The following BMPR1B variants were observed in gnomAD, a reference collection of about 807,000 sequenced individuals.
The protein encoded by BMPR1B is bone morphogenetic protein receptor type-1B.
Under a neutral mutation model 59.1 loss-of-function variants are expected in BMPR1B, and 12 were observed. That is an observed-to-expected ratio of 0.20 (90% confidence interval 0.13 to 0.33). The LOEUF (loss-of-function observed/expected upper bound fraction) is 0.33, where lower values mean the gene tolerates loss of function less well. BMPR1B is among the 10% of genes least tolerant of loss of function. BMPR1B has a pLI of 1.00. For synonymous variants in BMPR1B, 237 were observed against 207.3 expected (o/e 1.14, Z -1.23); for missense variants, 550 against 610.9 (o/e 0.90, Z 1.05).
chr4:95,065,116 T>C (rs1156932096), intron 3 of BMPR1B, among the ~76,000 whole-genome samples: 1 of 152,178 alleles, frequency 6.6e-6, no homozygotes, highest in Non-Finnish European at 1.5e-5. Flanking sequence ...GTTAAATATA[T>C]TACTAATACA....
intron 1 of BMPR1B, among the ~76,000 whole-genome samples, chr4:94,774,157 A>C (rs112609827): frequency 2.6e-5 from 4 of 152,010 alleles, no homozygotes; most frequent in African/African-American, 7.2e-5. Context: ...CTTCTGTGCA[A>C]CCTCCCCTAT....
intron 3 of BMPR1B, among the ~76,000 whole-genome samples, chr4:95,079,634 G>C (rs1285935746): frequency 6.6e-6 from 1 of 151,806 alleles, no homozygotes; most frequent in Non-Finnish European, 1.5e-5. Context: ...AAACTGACTT[G>C]TGTTTGGAAA....
intron 2 of BMPR1B, among the ~76,000 whole-genome samples, chr4:94,880,705 C>T (rs1171832984): frequency 7.1e-6 from 1 of 141,256 alleles, no homozygotes; most frequent in Admixed American, 7.4e-5. Context: ...GTGATGAAAT[C>T]ATGGCTCACT....
chr4:94,949,473 C>A (rs534624997), intron 2 of BMPR1B, among the ~76,000 whole-genome samples: 1 of 106,714 alleles, frequency 9.4e-6, no homozygotes, highest in Non-Finnish European at 2.0e-5. Context: ...CCTGCCACCG[C>A]GCCCGGCTGA....
At position 94,840,550 on chromosome 4, in the gene BMPR1B, C is replaced by T. The variant is rs550621914; in HGVS notation, c.-182-35281C>T. On this transcript the variant is annotated intron_variant, in intron 1 of 12. Coordinates refer to ENST00000515059, the MANE Select transcript of BMPR1B (RefSeq NM_001203.3). Reference sequence around the variant, plus strand: ...GCTGATACCCTTTCTTCCAGTTGATCGCATCGGCTCCTGAGGCTTCTGCAT... The same window carrying T: ...GCTGATACCCTTTCTTCCAGTTGATTGCATCGGCTCCTGAGGCTTCTGCAT... Among the ~76,000 whole-genome samples the T allele has an allele frequency of 8.9e-3, 1,296 of 146,170 alleles. 88 individuals are homozygous for T. Among genetic ancestry groups the T allele is most frequent in the African/African-American group, 0.029 (1,150 of 39,278 alleles).
chr4:94,950,257 A>G (rs897198592), intron 2 of BMPR1B, among the ~76,000 whole-genome samples: 1 of 151,840 alleles, frequency 6.6e-6, no homozygotes, highest in Non-Finnish European at 1.5e-5. Context: ...TCTGATGATA[A>G]GTTTCTTTTG....
intron 2 of BMPR1B, among the ~76,000 whole-genome samples, chr4:94,969,281 C>T (rs545329528): frequency 7.3e-4 from 111 of 152,160 alleles, no homozygotes; most frequent in African/African-American, 2.2e-3. Flanking sequence ...GTGATCTGCC[C>T]GACCCGGCCT....
intron 10 of BMPR1B, among the ~76,000 whole-genome samples, chr4:95,137,508 G>A (rs545768201): frequency 2.3e-4 from 35 of 152,200 alleles, no homozygotes; most frequent in African/African-American, 8.4e-4. Context: ...TGACAGTGGG[G>A]TGTTAAAGTC....
At chr4:94,967,726 G>A (rs1440198173) in intron 2 of BMPR1B, among the ~76,000 whole-genome samples, 2 of 151,962 alleles carry the variant, frequency 1.3e-5, no homozygotes, top group African/African-American at 2.4e-5. Flanking sequence ...TCAAGTGAGC[G>A]CCTGCCTCAG....
chr4:95,104,685 G>A (rs1039584524), intron 4 of BMPR1B, 118 bp downstream of exon 4: 20 of 1,271,906 alleles, frequency 1.6e-5, no homozygotes, highest in East Asian at 7.1e-5. Context: ...TAACACTATC[G>A]TAAACTCTTA....
intron 3 of BMPR1B, among the ~76,000 whole-genome samples, chr4:95,032,212 G>T (rs1302429466): frequency 6.6e-6 from 1 of 152,090 alleles, no homozygotes; most frequent in African/African-American, 2.4e-5. Flanking sequence ...CTCCTGGTTT[G>T]CAGCTGGCTA....
intron 4 of BMPR1B, among the ~76,000 whole-genome samples, chr4:95,112,197 T>G (rs985785162): frequency 8.5e-5 from 13 of 152,158 alleles, no homozygotes; most frequent in Non-Finnish European, 1.8e-4. Flanking sequence ...TCAATTTTGT[T>G]TAAAATTATT....
rs371759010 is a variant in BMPR1B at position 94,783,165 on chromosome 4, G to C, written c.-183+25097G>C. ...TATCACGCCAGCTATTAGGATCCAC[G>C]AATTGCTGGCCGATTGTTCTATTGT... On this transcript the variant is annotated intron_variant, in intron 1 of 12. Transcript: ENST00000515059. Among the ~76,000 whole-genome samples the C allele has an allele frequency of 3.0e-4, 45 of 152,238 alleles. No individual in the cohort carries two copies. The East Asian group carries it at 5.6e-3, about 19-fold the overall frequency.
At chr4:94,902,087 G>GT (rs1491111955) in intron 2 of BMPR1B, among the ~76,000 whole-genome samples, 16,355 of 128,330 alleles carry the variant, frequency 0.13, 1,442 homozygotes, top group African/African-American at 0.27. Flanking sequence ...GTGTGTGTGT[G>GT]GGGTGTATTT....
intron 2 of BMPR1B, among the ~76,000 whole-genome samples, chr4:94,892,977 CA>C (rs1425039103): frequency 3.3e-5 from 5 of 151,924 alleles, no homozygotes; most frequent in African/African-American, 9.7e-5. Flanking sequence ...ATCAGTCCTG[CA>C]GGGTTTTCAT....
intron 10 of BMPR1B, among the ~76,000 whole-genome samples, chr4:95,134,393 A>G (rs1733614371): frequency 6.6e-6 from 1 of 152,206 alleles, no homozygotes; most frequent in South Asian, 2.1e-4. Context: ...CAGTAATGGG[A>G]TGGCTGGGTC....
At position 95,043,761 on chromosome 4, in the gene BMPR1B, G is replaced by A. The variant is rs1336809630; in HGVS notation, c.-18+47627G>A. The stretch of plus-strand genomic sequence containing the variant: ...GTTTGGGGCTTATTTTTTCTTTTTC[G>A]AAAGCTACCTCAAATTCCTGGAATG... On this transcript the variant is annotated intron_variant, in intron 3 of 12. Coordinates refer to ENST00000515059, the MANE Select transcript of BMPR1B (RefSeq NM_001203.3). Among the ~76,000 whole-genome samples, 8 of 151,908 alleles carry A rather than the reference G, an allele frequency of 5.3e-5. No homozygotes were observed. The East Asian group carries it at 7.7e-4, about 15-fold the overall frequency.
intron 2 of BMPR1B, among the ~76,000 whole-genome samples, chr4:94,891,380 AAAAT>A (rs1462254310): frequency 6.6e-6 from 1 of 152,148 alleles, no homozygotes; most frequent in African/African-American, 2.4e-5. Context: ...ACATATATGA[AAAAT>A]AAATGTGAAG....
intron 10 of BMPR1B, among the ~76,000 whole-genome samples, chr4:95,137,072 A>G (rs1733850072): frequency 1.3e-5 from 2 of 152,144 alleles, no homozygotes; most frequent in Non-Finnish European, 2.9e-5. Context: ...CCTTCTACAC[A>G]CTGCTTTAAA....
Sources: gnomAD v4.1 joint callset for allele counts (sites outside exome capture counted in the v4.1 genomes callset) on GRCh38, gnomAD v4.1.1 for gene constraint, MANE v1.5 for transcripts, NCBI Gene and HGNC (gene_info 2026-07-23, HGNC 2026-07-21) for gene names.